The following ASAP1 variants were observed in gnomAD, a reference collection of about 807,000 sequenced individuals.
The protein encoded by ASAP1 is ArfGAP with SH3 domain, ankyrin repeat and PH domain 1.
In ASAP1, 43 loss-of-function variants were observed where a neutral mutation model predicts 145.2. The observed-to-expected ratio is 0.30, with a 90% CI of 0.23 to 0.38. The LOEUF (loss-of-function observed/expected upper bound fraction) is 0.38, where lower values mean the gene tolerates loss of function less well. Among genes scored for constraint, ASAP1 ranks in the 10% least tolerant of loss-of-function variants. ASAP1 has a pLI of 1.00. For missense variants in ASAP1, 1,018 were observed against 1,355.3 expected, an observed-to-expected ratio of 0.75 and a Z score of 3.91; for synonymous variants, 546 against 515.5, an observed-to-expected ratio of 1.06 and a Z score of -0.80.
chr8:130,373,822 G>C (rs895504808), intron 2 of ASAP1, among the ~76,000 whole-genome samples: 1 of 147,220 alleles, frequency 6.8e-6, no homozygotes, highest in African/African-American at 2.6e-5. Context: ...ACTCCAGCCT[G>C]GGTGACAGAG....
chr8:130,060,686 T>G lies in ASAP1; in HGVS notation c.3085A>C (p.Asn1029His). The G allele has an allele frequency of 6.2e-7, 1 of 1,614,088 alleles. No homozygotes were observed. Among genetic ancestry groups the G allele is most frequent in the South Asian group, 1.1e-5 (1 of 91,074 alleles). The change falls in exon 28 of 30, where the codon AAT becomes CAT. Residue 1029 changes from asparagine to histidine, a missense_variant. Physicochemically the swap from Asn to His is moderately conservative, Grantham distance 68. Around this residue, in one of 9 missense-constraint regions of ASAP1, gnomAD observed 139 missense variants for 131.0 expected, o/e 1.06. Transcript: ENST00000518721. ...LKSHPLDLSP[N>H]VQSRDAIQKQ... ...TGGATGGCGTCTCTGGACTGCACAT[T>G]TGGGGATAGATCCAATGGGTGTGAC...
chr8:130,426,639 T>G (rs946869401), intron 1 of ASAP1, among the ~76,000 whole-genome samples: 6 of 152,230 alleles, frequency 3.9e-5, no homozygotes, highest in African/African-American at 1.4e-4. Flanking sequence ...TGCATGCAGT[T>G]ATCAGGGTCT....
intron 3 of ASAP1, among the ~76,000 whole-genome samples, chr8:130,350,838 A>C (rs1460629174): frequency 6.6e-6 from 1 of 152,264 alleles, no homozygotes; most frequent in Admixed American, 6.5e-5. Flanking sequence ...GCAGACAGCC[A>C]GACAGCCCTG....
intron 23 of ASAP1, among the ~76,000 whole-genome samples, chr8:130,113,802 G>T (rs1446490068): frequency 6.6e-6 from 1 of 151,276 alleles, no homozygotes; most frequent in Non-Finnish European, 1.5e-5. Flanking sequence ...CTGAGACAGG[G>T]TCTCACTCAG....
intron 4 of ASAP1, 72 bp downstream of exon 4, chr8:130,236,850 T>C: frequency 2.1e-5 from 25 of 1,165,606 alleles, no homozygotes; most frequent in Middle Eastern, 3.0e-4. Context: ...ACTTAACATC[T>C]TTTAAATAAC....
intron 3 of ASAP1, among the ~76,000 whole-genome samples, chr8:130,313,223 C>A (rs12541083): frequency 0.18 from 27,530 of 151,864 alleles, 3,189 homozygotes; most frequent in East Asian, 0.44. Flanking sequence ...CTAAAGCCTG[C>A]AGATAATTTC....
At chr8:130,299,513 G>A (rs1245607871) in intron 3 of ASAP1, among the ~76,000 whole-genome samples, 1 of 152,158 alleles carries the variant, frequency 6.6e-6, no homozygotes, top group Non-Finnish European at 1.5e-5. Flanking sequence ...CCTTTTTAAA[G>A]GATGCATCTC....
chr8:130,257,794 C>T (rs200707448), intron 3 of ASAP1, among the ~76,000 whole-genome samples: 2 of 144,738 alleles, frequency 1.4e-5, no homozygotes, highest in Admixed American at 6.9e-5. Context: ...GCACCCCCCC[C>T]CCATTATTTT....
At chr8:130,296,515 T>TC in intron 3 of ASAP1, among the ~76,000 whole-genome samples, 1 of 151,912 alleles carries the variant, frequency 6.6e-6, no homozygotes, top group East Asian at 1.9e-4. Context: ...TCCCTTTTTT[T>TC]TTTTTTTTTT....
intron 27 of ASAP1, among the ~76,000 whole-genome samples, chr8:130,074,844 A>G (rs2097458724): frequency 6.6e-6 from 1 of 152,196 alleles, no homozygotes; most frequent in Non-Finnish European, 1.5e-5. Context: ...GTCAGCAGTC[A>G]TAGGGAGAGC....
intron 3 of ASAP1, among the ~76,000 whole-genome samples, chr8:130,272,799 T>C (rs1474648168): frequency 6.6e-6 from 1 of 152,026 alleles, no homozygotes; most frequent in East Asian, 1.9e-4. Flanking sequence ...GCTAAAAATG[T>C]TGAGGTAGAA....
intron 23 of ASAP1, 105 bp downstream of exon 23, chr8:130,115,523 T>C (rs1332616149): frequency 2.3e-6 from 2 of 868,372 alleles, no homozygotes; most frequent in Non-Finnish European, 1.9e-6. Context: ...ATACATTGGA[T>C]CATAAAACCA....
chr8:130,239,532 G>A (rs115918257), intron 3 of ASAP1, among the ~76,000 whole-genome samples: 4 of 151,988 alleles, frequency 2.6e-5, no homozygotes, highest in African/African-American at 9.7e-5. Flanking sequence ...TGATATCCGC[G>A]ATAGGCTGAA....
chr8:130,210,087 T>G (rs756005246), intron 5 of ASAP1, among the ~76,000 whole-genome samples: 4 of 152,198 alleles, frequency 2.6e-5, no homozygotes, highest in Non-Finnish European at 5.9e-5. Context: ...TATCAAAGAT[T>G]ACCTGAAATG....
intron 13 of ASAP1, among the ~76,000 whole-genome samples, chr8:130,146,615 T>A (rs1291351825): frequency 6.6e-6 from 1 of 152,234 alleles, no homozygotes; most frequent in African/African-American, 2.4e-5. Flanking sequence ...AATACATTAA[T>A]AGCAAAGAAG....
chr8:130,154,926 C>T (rs1218662241), intron 12 of ASAP1, among the ~76,000 whole-genome samples: 2 of 152,198 alleles, frequency 1.3e-5, no homozygotes, highest in Non-Finnish European at 2.9e-5. Flanking sequence ...GAGGTGGCAT[C>T]TCTCAACTAA....
At chr8:130,066,853 C>T (rs2097431956) in intron 27 of ASAP1, among the ~76,000 whole-genome samples, 1 of 152,198 alleles carries the variant, frequency 6.6e-6, no homozygotes, top group African/African-American at 2.4e-5. Flanking sequence ...CCACTGCCCC[C>T]CATTTCAGCC....
intron 4 of ASAP1, among the ~76,000 whole-genome samples, chr8:130,215,110 G>A (rs1172397764): frequency 6.6e-6 from 1 of 151,876 alleles, no homozygotes; most frequent in East Asian, 2.0e-4. Flanking sequence ...CCAAGTTGGT[G>A]AGGCTGGTCT....
chr8:130,124,143 T>A, intron 17 of ASAP1, 39 bp from the exon 18 acceptor site: 6 of 1,322,916 alleles, frequency 4.5e-6, no homozygotes, highest in Non-Finnish European at 6.4e-6. Flanking sequence ...TATAGCAAAC[T>A]CTTTGCTACT....
Sources: allele counts gnomAD v4.1 joint callset (sites outside exome capture counted in the v4.1 genomes callset), GRCh38; gene constraint gnomAD v4.1.1; regional missense constraint gnomAD v4.1.1; transcripts MANE v1.5; gene names NCBI Gene and HGNC (gene_info 2026-07-23, HGNC 2026-07-21).